The following ANKRD44 variants were observed in gnomAD, a reference collection of about 807,000 sequenced individuals.
ANKRD44 encodes ankyrin repeat domain 44, also known as serine/threonine-protein phosphatase 6 regulatory ankyrin repeat subunit B.
A neutral mutation model predicts 116.0 loss-of-function variants in ANKRD44; 35 were observed. The ratio of observed to expected loss-of-function variants is 0.30; its 90% CI spans 0.23 to 0.40. The LOEUF (loss-of-function observed/expected upper bound fraction) is 0.40, where lower values mean the gene tolerates loss of function less well. ANKRD44 is among the 10% of genes least tolerant of loss of function. The pLI, the probability that ANKRD44 is intolerant of heterozygous loss-of-function variation, is 1.00. For synonymous variants in ANKRD44, 435 were observed against 461.8 expected (o/e 0.94, Z 0.74); for missense variants, 1,014 against 1,242.6 (o/e 0.82, Z 2.77).
At chr2:197,172,780 G>A (rs929796550) in intron 2 of ANKRD44, among the ~76,000 whole-genome samples, 1 of 151,972 alleles carries the variant, frequency 6.6e-6, no homozygotes, top group African/African-American at 2.4e-5. Flanking sequence ...TGCTTAGGCT[G>A]GTTTCACACT....
intron 17 of ANKRD44, chr2:197,015,107 C>T (rs969772900): frequency 8.3e-6 from 2 of 241,348 alleles, no homozygotes; most frequent in African/African-American, 2.3e-5. Flanking sequence ...AAAAGACCCC[C>T]GAACAAAATG....
intron 1 of ANKRD44, among the ~76,000 whole-genome samples, chr2:197,270,063 C>G (rs1399425336): frequency 6.6e-6 from 1 of 152,132 alleles, no homozygotes; most frequent in Non-Finnish European, 1.5e-5. Flanking sequence ...GCAGCAACTC[C>G]CAGTCATGAC....
In ANKRD44 at chr2:196,987,911, T is replaced by C; in HGVS notation, c.*1680A>G. The stretch of plus-strand genomic sequence containing the variant: ...AAGAGATGTAATTAAAATACAGAAA[T>C]GATAGTTTTTAAAGTCATTTCTTTA... On this transcript the variant is annotated 3_prime_UTR_variant, in exon 28 of 28. Transcript: ENST00000282272. 2.0e-6 allele frequency: 2 copies of C among 982,932 alleles called. No individual in the cohort carries two copies. Among genetic ancestry groups the C allele is most frequent in the Middle Eastern group, 5.2e-4 (1 of 1,908 alleles). The allele number at this position is 982,932 out of a possible 1,614,324, so 60.9% of individuals were successfully genotyped here.
At chr2:197,084,262 A>T (rs6434906) in intron 13 of ANKRD44, among the ~76,000 whole-genome samples, 139,359 of 152,130 alleles carry the variant, frequency 0.92, 64,164 homozygotes, top group East Asian at 1. Context: ...ATGTCCCTAC[A>T]TCCCCCCTAC....
At chr2:197,090,057 C>T (rs777221833) in intron 10 of ANKRD44, 25 bp from the exon 11 acceptor site, 2 of 1,556,464 alleles carry the variant, frequency 1.3e-6, no homozygotes, top group East Asian at 2.2e-5. Flanking sequence ...AACAGAGCAA[C>T]TCACGGCAAC....
chr2:197,156,949 A>G (rs1174911492), intron 2 of ANKRD44, among the ~76,000 whole-genome samples: 1 of 152,182 alleles, frequency 6.6e-6, no homozygotes, highest in African/African-American at 2.4e-5. Context: ...CCTAAGGGAG[A>G]GACTGGGAGG....
At chr2:197,266,373 G>C (rs2564393) in intron 1 of ANKRD44, among the ~76,000 whole-genome samples, 26,385 of 152,080 alleles carry the variant, frequency 0.17, 2,413 homozygotes, top group Middle Eastern at 0.28. Context: ...AATTACAGTT[G>C]AAATTACATC....
Position 197,125,368 on chromosome 2 carries a change from A to T in ANKRD44, c.550+13T>A, listed in dbSNP as rs771917331. 8.1e-6 allele frequency: 13 copies of T among 1,612,692 alleles called. No homozygotes were observed. The highest frequency in any genetic ancestry group is 1.6e-4 in the Middle Eastern group (1 of 6,070). On this transcript the variant is annotated intron_variant, in intron 6 of 27. Coordinates refer to ENST00000282272, the MANE Select transcript of ANKRD44 (RefSeq NM_001195144.2). ...GTTATCTGTACTTTGCTTTCCATGC[A>T]TGGAATCCTTACCCATGTATGCTGC... is the stretch of plus-strand genomic sequence containing the variant.
intron 1 of ANKRD44, among the ~76,000 whole-genome samples, chr2:197,308,535 A>G (rs774817602): frequency 4.6e-5 from 7 of 152,076 alleles, no homozygotes; most frequent in African/African-American, 1.4e-4. Context: ...CTTTGTCCCA[A>G]GATAGACTGG....
At chr2:197,154,768 A>G (rs2079765262) in intron 2 of ANKRD44, among the ~76,000 whole-genome samples, 1 of 152,176 alleles carries the variant, frequency 6.6e-6, no homozygotes, top group South Asian at 2.1e-4. Flanking sequence ...ATTGTCTCAT[A>G]AAGCTGAATT....
intron 9 of ANKRD44, among the ~76,000 whole-genome samples, chr2:197,106,806 A>ATATAT (rs35186298): frequency 0.012 from 1,587 of 136,538 alleles, 19 homozygotes; most frequent in Non-Finnish European, 0.02. Flanking sequence ...ATATATATAT[A>ATATAT]TTTTTTTTTT....
rs185434332 is a variant in ANKRD44, at chr2:197,191,688, T to C, written c.28-4582A>G. Among the ~76,000 whole-genome samples the C allele has an allele frequency of 1.3e-4, 20 of 152,316 alleles. No individual in the cohort carries two copies. In the East Asian group the frequency reaches 3.1e-3, roughly 23 times the overall value. On this transcript the variant is annotated intron_variant, in intron 1 of 27. Coordinates refer to ENST00000282272, the MANE Select transcript of ANKRD44 (RefSeq NM_001195144.2). ...GGGAGGTAAAAGCAAAGGTTCAGGA[T>C]GTGTAATTAAGGAAGTAAGGTAATT... is the stretch of plus-strand genomic sequence containing the variant.
intron 1 of ANKRD44, among the ~76,000 whole-genome samples, chr2:197,230,962 T>C (rs2081846846): frequency 6.6e-6 from 1 of 152,162 alleles, no homozygotes; most frequent in Non-Finnish European, 1.5e-5. Flanking sequence ...CTTCTGGCTC[T>C]ACCCACCTGA....
chr2:197,055,278 A>T (rs1259589563), intron 16 of ANKRD44, among the ~76,000 whole-genome samples: 2 of 151,904 alleles, frequency 1.3e-5, no homozygotes, highest in African/African-American at 4.8e-5. Flanking sequence ...CCATTTTTCT[A>T]TTGGGTTATC....
chr2:197,039,333 C>A (rs1338733453), intron 16 of ANKRD44, among the ~76,000 whole-genome samples: 1 of 152,174 alleles, frequency 6.6e-6, no homozygotes, highest in East Asian at 1.9e-4. Context: ...AATGCCCTGG[C>A]TGCTGATGCC....
At chr2:196,967,123 T>C (rs1413250643) in exon 22 of ANKRD44, 3 of 176,592 alleles carry the variant, frequency 1.7e-5, no homozygotes, top group Non-Finnish European at 3.7e-5. Context: ...GTATAACACT[T>C]ATCCTGAAAG....
chr2:197,256,676 T>C (rs2082455932), intron 1 of ANKRD44, among the ~76,000 whole-genome samples: 1 of 152,152 alleles, frequency 6.6e-6, no homozygotes, highest in Non-Finnish European at 1.5e-5. Flanking sequence ...AATACATTAA[T>C]CCCCCTTAGA....
At chr2:197,088,152 G>A (rs890675334) in intron 12 of ANKRD44, among the ~76,000 whole-genome samples, 1 of 152,168 alleles carries the variant, frequency 6.6e-6, no homozygotes, top group Non-Finnish European at 1.5e-5. Context: ...CCACTGGTAA[G>A]TGAAAAGAAA....
chr2:197,066,939 A>G (rs1574389352), intron 16 of ANKRD44, among the ~76,000 whole-genome samples: 2 of 152,350 alleles, frequency 1.3e-5, no homozygotes. Flanking sequence ...ACTACTTTAA[A>G]GTTCACATGG....
Sources: allele counts gnomAD v4.1 joint callset (sites outside exome capture counted in the v4.1 genomes callset), GRCh38; gene constraint gnomAD v4.1.1; transcripts MANE v1.5; gene names NCBI Gene and HGNC (gene_info 2026-07-23, HGNC 2026-07-21).